Variants in CHRM3 observed in about 807,000 individuals in gnomAD.
The protein encoded by CHRM3 is muscarinic acetylcholine receptor M3.
Under a neutral mutation model 41.8 loss-of-function variants are expected in CHRM3, and 11 were observed. That is an observed-to-expected ratio of 0.26 (90% CI 0.17 to 0.44). The LOEUF is 0.44. Ranked by LOEUF, CHRM3 falls within the 20% of genes least tolerant of loss-of-function variation. The pLI, the probability that CHRM3 is intolerant of heterozygous loss-of-function variation, is 1.00. For synonymous variants in CHRM3, 297 were observed against 301.4 expected (o/e 0.99, Z 0.15); for missense variants, 571 against 745.4 (o/e 0.77, Z 2.72).
At chr1:239,665,685 G>A (rs900155250) in intron 4 of CHRM3, among the ~76,000 whole-genome samples, 3 of 151,824 alleles carry the variant, frequency 2.0e-5, no homozygotes, top group South Asian at 2.1e-4. Context: ...CTTGCCCCCC[G>A]ACTGGCCCCA....
chr1:239,423,822 G>A (rs539563048), intron 1 of CHRM3, among the ~76,000 whole-genome samples: 2 of 152,092 alleles, frequency 1.3e-5, no homozygotes, highest in Admixed American at 6.5e-5. Context: ...TTGTGGGGCC[G>A]AGGCGGGTGG....
At chr1:239,448,328 TGGA>T (rs1664302153) in intron 1 of CHRM3, among the ~76,000 whole-genome samples, 1 of 152,322 alleles carries the variant, frequency 6.6e-6, no homozygotes, top group Non-Finnish European at 1.5e-5. Flanking sequence ...CTTTCTAGAT[TGGA>T]GGAGTTTTAG....
intron 1 of CHRM3, among the ~76,000 whole-genome samples, chr1:239,393,574 C>T (rs1473598200): frequency 6.6e-6 from 1 of 152,194 alleles, no homozygotes; most frequent in African/African-American, 2.4e-5. Flanking sequence ...TCTCTCCTCA[C>T]CCCAGATCCT....
intron 2 of CHRM3, among the ~76,000 whole-genome samples, chr1:239,536,464 AG>A (rs1203422646): frequency 6.6e-6 from 1 of 152,172 alleles, no homozygotes; most frequent in Non-Finnish European, 1.5e-5. Context: ...TCAATTCCAA[AG>A]ACTAAGGACA....
chr1:239,771,890 C>G (rs1209736813), intron 5 of CHRM3, among the ~76,000 whole-genome samples: 1 of 152,198 alleles, frequency 6.6e-6, no homozygotes, highest in African/African-American at 2.4e-5. Context: ...AGGATATCCA[C>G]AGTATATTCT....
intron 5 of CHRM3, among the ~76,000 whole-genome samples, chr1:239,770,114 G>C (rs940462662): frequency 6.6e-6 from 1 of 152,216 alleles, no homozygotes; most frequent in Admixed American, 6.5e-5. Flanking sequence ...AACACTGACT[G>C]TGGAAAATTC....
chr1:239,892,362 T>C (rs985335022), intron 6 of CHRM3, among the ~76,000 whole-genome samples: 6 of 152,254 alleles, frequency 3.9e-5, no homozygotes, highest in African/African-American at 1.4e-4. Flanking sequence ...GGTACTTTCA[T>C]TGAAATAATC....
intron 1 of CHRM3, among the ~76,000 whole-genome samples, chr1:239,435,404 G>A (rs1288044499): frequency 6.7e-6 from 1 of 150,364 alleles, no homozygotes. Context: ...AGCCGAGATT[G>A]CACCACTGCA....
At chr1:239,486,823 C>CT (rs1667212042) in intron 1 of CHRM3, among the ~76,000 whole-genome samples, 1 of 152,164 alleles carries the variant, frequency 6.6e-6, no homozygotes, top group African/African-American at 2.4e-5. Flanking sequence ...GCACTGCCCT[C>CT]TACTGCTGCG....
intron 5 of CHRM3, among the ~76,000 whole-genome samples, chr1:239,746,745 C>G (rs1258500222): frequency 1.3e-5 from 2 of 151,788 alleles, no homozygotes; most frequent in East Asian, 3.9e-4. Context: ...GCCTTTATTA[C>G]TCTATTTCTT....
At chr1:239,658,779 C>T (rs1017653277) in intron 4 of CHRM3, among the ~76,000 whole-genome samples, 3 of 151,380 alleles carry the variant, frequency 2.0e-5, no homozygotes, top group Non-Finnish European at 4.4e-5. Flanking sequence ...CACTTTGTTA[C>T]TCAGGCTGGA....
intron 2 of CHRM3, among the ~76,000 whole-genome samples, chr1:239,530,268 CACCATTGAGTCAGCT>C (rs1670310477): frequency 6.6e-6 from 1 of 152,082 alleles, no homozygotes; most frequent in African/African-American, 2.4e-5. Flanking sequence ...TAATTAATTG[CACCATTGAGTCAGCT>C]ACATATTTCT....
chr1:239,551,514 A>G (rs1426325233), intron 3 of CHRM3, among the ~76,000 whole-genome samples: 6 of 128,460 alleles, frequency 4.7e-5, no homozygotes, highest in Admixed American at 1.7e-4. Context: ...AGAGCAAAAA[A>G]TAACTGAACC....
chr1:239,486,176 T>A (rs1297909850), intron 1 of CHRM3, among the ~76,000 whole-genome samples: 1 of 152,216 alleles, frequency 6.6e-6, no homozygotes, highest in Non-Finnish European at 1.5e-5. Flanking sequence ...AATATCAGAT[T>A]TGTCATTCTC....
chr1:239,665,640 A>T (rs553451792), intron 4 of CHRM3, among the ~76,000 whole-genome samples: 270 of 152,170 alleles, frequency 1.8e-3, no homozygotes, highest in Non-Finnish European at 3.2e-3. Flanking sequence ...CATCTACATT[A>T]GGTATTTCTC....
At chr1:239,796,149 G>T (rs1227041583) in intron 5 of CHRM3, among the ~76,000 whole-genome samples, 1 of 151,914 alleles carries the variant, frequency 6.6e-6, no homozygotes, top group African/African-American at 2.4e-5. Context: ...ACCTAGATGG[G>T]GTCTTGTCTT....
intron 6 of CHRM3, among the ~76,000 whole-genome samples, chr1:239,853,815 C>A (rs1018105532): frequency 1.3e-5 from 2 of 152,022 alleles, no homozygotes; most frequent in African/African-American, 4.8e-5. Context: ...TTCCATCTTG[C>A]CTCTAAGCCA....
At chr1:239,682,630 G>T (rs1253418182) in intron 5 of CHRM3, among the ~76,000 whole-genome samples, 1 of 151,382 alleles carries the variant, frequency 6.6e-6, no homozygotes, top group East Asian at 1.9e-4. Flanking sequence ...TATTGGTTAG[G>T]ATTCATTAAA....
intron 3 of CHRM3, among the ~76,000 whole-genome samples, chr1:239,584,149 G>A (rs1002068739): frequency 6.8e-6 from 1 of 147,330 alleles, no homozygotes; most frequent in African/African-American, 2.6e-5. Flanking sequence ...TCTGAGACAG[G>A]CTAGAGTGCA....
Sources: allele counts gnomAD v4.1 joint callset (sites outside exome capture counted in the v4.1 genomes callset), GRCh38; gene constraint gnomAD v4.1.1; transcripts MANE v1.5; gene names NCBI Gene and HGNC (gene_info 2026-07-23, HGNC 2026-07-21).